The following ESR1 variants were observed in gnomAD, a reference collection of about 807,000 sequenced individuals.
The protein encoded by ESR1 is estrogen receptor.
In ESR1, 12 loss-of-function variants were observed where a neutral mutation model predicts 52.7. The ratio of observed to expected loss-of-function variants is 0.23; its 90% CI spans 0.15 to 0.37. The LOEUF (loss-of-function observed/expected upper bound fraction) is 0.37, where lower values mean the gene tolerates loss of function less well. Ranked by LOEUF, ESR1 falls within the 10% of genes least tolerant of loss-of-function variation. The pLI is 1.00. For missense variants in ESR1, 584 were observed against 779.7 expected, an observed-to-expected ratio of 0.75 and a Z score of 2.99; for synonymous variants, 305 against 316.8, an observed-to-expected ratio of 0.96 and a Z score of 0.39.
chr6:151,988,485 G>C (rs2040713022), intron 4 of ESR1, among the ~76,000 whole-genome samples: 1 of 152,120 alleles, frequency 6.6e-6, no homozygotes, highest in Admixed American at 6.5e-5. Flanking sequence ...GGGCGGCCCA[G>C]TTCCTAACCA....
chr6:151,949,015 G>T (rs1219079157), intron 4 of ESR1, among the ~76,000 whole-genome samples: 1 of 152,204 alleles, frequency 6.6e-6, no homozygotes, highest in Non-Finnish European at 1.5e-5. Context: ...CCCTGTTACA[G>T]CTCAATTTTC....
At chr6:151,879,343 T>C (rs1048170162) in intron 2 of ESR1, among the ~76,000 whole-genome samples, 3 of 152,126 alleles carry the variant, frequency 2.0e-5, no homozygotes, top group Non-Finnish European at 2.9e-5. Flanking sequence ...GGGAAGTTGC[T>C]TTTTTGGGGT....
At chr6:152,108,812 A>G (rs1005580283) in intron 6 of ESR1, among the ~76,000 whole-genome samples, 2 of 152,224 alleles carry the variant, frequency 1.3e-5, no homozygotes, top group Admixed American at 6.5e-5. Flanking sequence ...CAGAATTACC[A>G]CGTTTAGATT....
intron 2 of ESR1, among the ~76,000 whole-genome samples, chr6:151,788,800 C>T (rs117464851): frequency 0.035 from 5,392 of 152,202 alleles, 339 homozygotes; most frequent in East Asian, 0.27. Context: ...ATGTCCTTTT[C>T]AGGAACATGG....
chr6:152,032,745 C>G (rs1036917023), intron 5 of ESR1, among the ~76,000 whole-genome samples: 1 of 152,152 alleles, frequency 6.6e-6, no homozygotes, highest in Non-Finnish European at 1.5e-5. Flanking sequence ...AATGCTATCC[C>G]CATCAAGCTA....
intron 6 of ESR1, among the ~76,000 whole-genome samples, chr6:152,079,722 G>A (rs12527445): frequency 6.6e-6 from 1 of 152,192 alleles, no homozygotes; most frequent in African/African-American, 2.4e-5. Context: ...CTAACCCATC[G>A]CAAGGAGGCT....
chr6:151,857,817 C>A (rs1430526040), intron 2 of ESR1, among the ~76,000 whole-genome samples: 2 of 152,154 alleles, frequency 1.3e-5, no homozygotes, highest in Non-Finnish European at 2.9e-5. Context: ...ATGTGAGCTA[C>A]CACACCCAGT....
intron 2 of ESR1, among the ~76,000 whole-genome samples, chr6:151,791,149 C>CAGCT (rs1328472279): frequency 6.6e-6 from 1 of 152,128 alleles, no homozygotes. Flanking sequence ...TTGACTTTAT[C>CAGCT]AGCTGTGTGG....
intron 6 of ESR1, among the ~76,000 whole-genome samples, chr6:152,081,947 C>T (rs1406612952): frequency 6.6e-6 from 1 of 152,062 alleles, no homozygotes; most frequent in Non-Finnish European, 1.5e-5. Context: ...TCTCTGAAGA[C>T]ACCAATAACA....
intron 5 of ESR1, among the ~76,000 whole-genome samples, chr6:152,028,566 T>C (rs1050202028): frequency 2.6e-5 from 4 of 152,084 alleles, no homozygotes; most frequent in African/African-American, 9.7e-5. Flanking sequence ...CAGTCTGAGA[T>C]CAAACTGCAA....
upstream of ESR1, among the ~76,000 whole-genome samples, chr6:151,806,557 T>TATATATATATATACAC (rs1554259008): frequency 7.6e-4 from 101 of 133,754 alleles, no homozygotes; most frequent in East Asian, 2.5e-3. Context: ...TATATATATA[T>TATATATATATATACAC]ACACATATAT....
At chr6:151,977,155 C>G (rs369625897) in intron 4 of ESR1, among the ~76,000 whole-genome samples, 199 of 152,120 alleles carry the variant, frequency 1.3e-3, no homozygotes, top group African/African-American at 4.4e-3. Context: ...GGAGGTAAGC[C>G]AGCCTGAAGA....
At chr6:151,787,594 T>A (rs1022163986) in intron 2 of ESR1, among the ~76,000 whole-genome samples, 3 of 152,150 alleles carry the variant, frequency 2.0e-5, no homozygotes, top group African/African-American at 7.2e-5. Context: ...GTGTTTTATT[T>A]CTTTTGTGGC....
chr6:151,956,019 C>T (rs939272116), intron 4 of ESR1, among the ~76,000 whole-genome samples: 5 of 152,120 alleles, frequency 3.3e-5, no homozygotes, highest in African/African-American at 1.2e-4. Flanking sequence ...TAATGGTCTC[C>T]AATTCCATCC....
At chr6:152,001,439 A>G (rs754801175) in intron 4 of ESR1, among the ~76,000 whole-genome samples, 68 of 152,196 alleles carry the variant, frequency 4.5e-4, no homozygotes, top group Non-Finnish European at 8.5e-4. Context: ...CATGAGAAAG[A>G]CATGAATACA....
chr6:151,976,895 CAT>C (rs2039490393), intron 4 of ESR1, among the ~76,000 whole-genome samples: 1 of 151,752 alleles, frequency 6.6e-6, no homozygotes, highest in African/African-American at 2.4e-5. Context: ...TATAAAAATA[CAT>C]AGTTAAAAAA....
chr6:151,742,868 A>G (rs1231827281), intron 2 of ESR1, among the ~76,000 whole-genome samples: 1 of 152,210 alleles, frequency 6.6e-6, no homozygotes. Flanking sequence ...TATATATACA[A>G]AGAAATATGT....
In ESR1 at chr6:152,094,602, A is replaced by G. The variant is rs201827703; in HGVS notation, c.1553+34A>G. 4.8e-5 allele frequency: 77 copies of G among 1,605,634 alleles called. No homozygotes were observed. The Admixed American group carries it at 1.2e-3, about 26-fold the overall frequency. On this transcript the variant is annotated intron_variant, in intron 7 of 7. Transcript: ENST00000206249. This position sits in a 1 kb window ranked among gnomAD's most constrained non-coding sequence, Gnocchi z 4.6. The stretch of plus-strand genomic sequence containing the variant: ...TCTGTGGGCTTCCTACAGGAGAGAC[A>G]TAAAGAAAACATGCCCCCAAACCTA...
intron 6 of ESR1, among the ~76,000 whole-genome samples, chr6:152,124,035 G>A (rs911273582): frequency 6.6e-6 from 1 of 152,226 alleles, no homozygotes; most frequent in Non-Finnish European, 1.5e-5. Flanking sequence ...AAAGAAAAAT[G>A]GGAGAGGGCT....
Sources: allele counts gnomAD v4.1 joint callset (sites outside exome capture counted in the v4.1 genomes callset), GRCh38; gene constraint gnomAD v4.1.1; non-coding constraint Gnocchi (gnomAD v3.1); transcripts MANE v1.5; gene names NCBI Gene and HGNC (gene_info 2026-07-23, HGNC 2026-07-21).